The following LAIR1 variants were observed in gnomAD, a reference collection of about 807,000 sequenced individuals.
LAIR1 encodes the protein leukocyte associated immunoglobulin like receptor 1.
In LAIR1, 24 loss-of-function variants were observed where a neutral mutation model predicts 32.8. That is an observed-to-expected ratio of 0.73 (90% CI 0.53 to 1.03). The LOEUF is 1.03. Among genes scored for constraint, LAIR1 ranks in the 50% least tolerant of loss-of-function variants. The probability of loss-of-function intolerance (pLI) is 0.00; values close to 1 mark genes in which losing one functional copy is unlikely to be tolerated. For synonymous variants in LAIR1, 150 were observed against 140.5 expected (o/e 1.07, Z -0.48); for missense variants, 355 against 347.5 (o/e 1.02, Z -0.17).
In LAIR1 at chr19:54,355,670, G is replaced by C. The variant is rs1729933989; in HGVS notation, c.718-256C>G. On this transcript the variant is annotated intron_variant, in intron 9 of 9. Coordinates refer to ENST00000391742, the MANE Select transcript of LAIR1 (RefSeq NM_002287.6). The surrounding 1 kb of genome is among the most constrained non-coding windows in gnomAD (Gnocchi z 4.7). The stretch of plus-strand genomic sequence containing the variant: ...GTCCCCTCCCTGCCACCCATCCTTG[G>C]ATCCCTCCCTCTGGGGGAAGCCGGC... 6.6e-6 allele frequency among the ~76,000 whole-genome samples: 1 copy of C among 152,202 alleles called. No individual in the cohort carries two copies. Among genetic ancestry groups the C allele is most frequent in the Non-Finnish European group, 1.5e-5 (1 of 68,028 alleles).
Sources: allele counts gnomAD v4.1 joint callset (sites outside exome capture counted in the v4.1 genomes callset), GRCh38; gene constraint gnomAD v4.1.1; non-coding constraint Gnocchi (gnomAD v3.1); transcripts MANE v1.5; gene names NCBI Gene and HGNC (gene_info 2026-07-23, HGNC 2026-07-21).